The following UBR3 variants were observed in gnomAD, a reference collection of about 807,000 sequenced individuals.
The protein encoded by UBR3 is E3 ubiquitin-protein ligase UBR3.
In UBR3, 85 loss-of-function variants were observed where a neutral mutation model predicts 243.2. That is an observed-to-expected ratio of 0.35 (90% confidence interval 0.29 to 0.42). The LOEUF (loss-of-function observed/expected upper bound fraction) is 0.42. Ranked by LOEUF, UBR3 falls within the 10% of genes least tolerant of loss-of-function variation. The pLI is 1.00. For missense variants in UBR3, 1,686 were observed against 2,300.8 expected (o/e 0.73, Z 5.47); for synonymous variants, 748 against 799.8 (o/e 0.94, Z 1.09).
At chr2:169,884,572 T>C (rs900467868) in intron 5 of UBR3, among the ~76,000 whole-genome samples, 2 of 152,250 alleles carry the variant, frequency 1.3e-5, no homozygotes, top group Non-Finnish European at 2.9e-5. Flanking sequence ...GAAACTACTG[T>C]GACTCTTCCG....
intron 29 of UBR3, chr2:170,014,046 C>T (rs1400485904): frequency 1.7e-5 from 7 of 402,642 alleles, no homozygotes; most frequent in Non-Finnish European, 3.7e-5. Context: ...CACAGATGCC[C>T]TTATCAGCAG....
chr2:169,950,254 A>T lies in UBR3; in HGVS notation c.3545+189A>T, dbSNP rs114289347. Among the ~76,000 whole-genome samples, 437 of 152,232 alleles carry T rather than the reference A, an allele frequency of 2.9e-3. 1 individual carries two copies. The highest frequency in any genetic ancestry group is 1.0e-2 in the African/African-American group (414 of 41,566). On this transcript the variant is annotated intron_variant, in intron 23 of 38. Coordinates refer to ENST00000272793, the MANE Select transcript of UBR3 (RefSeq NM_172070.4). ...TGATGTATTGAGTTTATTGATGGAC[A>T]GGTGAGACTTTCTGACCCCAATGTA...
intron 24 of UBR3, among the ~76,000 whole-genome samples, chr2:169,961,873 T>TG (rs1334914261): frequency 2.8e-5 from 3 of 108,622 alleles, no homozygotes; most frequent in Non-Finnish European, 6.7e-5. Flanking sequence ...TTTTTTCCCA[T>TG]GTTTTTTTTT....
intron 1 of UBR3, among the ~76,000 whole-genome samples, chr2:169,845,615 G>T (rs1489746953): frequency 6.9e-6 from 1 of 144,580 alleles, no homozygotes; most frequent in Non-Finnish European, 1.5e-5. Flanking sequence ...ATGGGGTCTC[G>T]CTCTGTCACC....
intron 8 of UBR3, 67 bp downstream of exon 8, chr2:169,896,802 C>A: frequency 9.5e-7 from 1 of 1,057,298 alleles, no homozygotes; most frequent in Non-Finnish European, 1.3e-6. Context: ...TATTAGTGTA[C>A]TTCATATACT....
intron 1 of UBR3, among the ~76,000 whole-genome samples, chr2:169,838,577 C>T (rs780370238): frequency 3.0e-4 from 46 of 152,038 alleles, no homozygotes; most frequent in Admixed American, 2.8e-3. Context: ...CAAAGGCTTC[C>T]GCCTCTTAAT....
intron 35 of UBR3, among the ~76,000 whole-genome samples, chr2:170,068,655 G>C (rs2091632182): frequency 1.3e-5 from 2 of 152,032 alleles, no homozygotes; most frequent in Admixed American, 1.3e-4. Flanking sequence ...TAGAGAAAAT[G>C]AATGAGTCCA....
intron 24 of UBR3, among the ~76,000 whole-genome samples, chr2:169,976,632 C>G (rs2088460217): frequency 6.6e-6 from 1 of 152,150 alleles, no homozygotes; most frequent in Admixed American, 6.5e-5. Context: ...TGTTCTTAGT[C>G]TAATGGGGAT....
chr2:169,936,653 T>A (rs1354732806), intron 19 of UBR3, among the ~76,000 whole-genome samples: 1 of 152,098 alleles, frequency 6.6e-6, no homozygotes, highest in Non-Finnish European at 1.5e-5. Context: ...GTATATCTCC[T>A]AATGCTATCC....
intron 33 of UBR3, among the ~76,000 whole-genome samples, chr2:170,059,619 A>G (rs2091416587): frequency 6.6e-6 from 1 of 152,196 alleles, no homozygotes; most frequent in Non-Finnish European, 1.5e-5. Flanking sequence ...TCTATAGGTT[A>G]TTAATATTTA....
chr2:169,870,034 G>C (rs1400039875), intron 1 of UBR3, among the ~76,000 whole-genome samples: 1 of 151,840 alleles, frequency 6.6e-6, no homozygotes, highest in Admixed American at 6.6e-5. Context: ...TCTTAACTTA[G>C]GCTTTCTATA....
chr2:170,066,516 C>CT (rs1467345307), intron 35 of UBR3, among the ~76,000 whole-genome samples: 5 of 151,896 alleles, frequency 3.3e-5, no homozygotes, highest in Admixed American at 3.3e-4. Flanking sequence ...TATCTAGCCC[C>CT]CCCACCTCCA....
intron 1 of UBR3, among the ~76,000 whole-genome samples, chr2:169,847,268 A>G (rs2082515270): frequency 6.6e-6 from 1 of 152,052 alleles, no homozygotes; most frequent in South Asian, 2.1e-4. Context: ...TGTTTATCCC[A>G]TCTGTTCTTT....
intron 30 of UBR3, among the ~76,000 whole-genome samples, chr2:170,026,897 A>G (rs1043158742): frequency 3.9e-5 from 6 of 152,150 alleles, no homozygotes; most frequent in African/African-American, 7.2e-5. Flanking sequence ...TATAAGACGT[A>G]TTTTTGCTGC....
At chr2:170,041,435 C>G (rs778836596) in intron 32 of UBR3, among the ~76,000 whole-genome samples, 12 of 152,078 alleles carry the variant, frequency 7.9e-5, no homozygotes, top group Non-Finnish European at 1.5e-4. Context: ...ATAGAGCAAA[C>G]TCTCAGCCTT....
At chr2:169,846,215 C>G (rs2082473490) in intron 1 of UBR3, among the ~76,000 whole-genome samples, 1 of 152,082 alleles carries the variant, frequency 6.6e-6, no homozygotes, top group Non-Finnish European at 1.5e-5. Flanking sequence ...TCAATTTTTG[C>G]TGCTTGTATT....
At chr2:169,972,285 C>A (rs1333141029) in intron 24 of UBR3, among the ~76,000 whole-genome samples, 2 of 151,996 alleles carry the variant, frequency 1.3e-5, no homozygotes, top group Non-Finnish European at 2.9e-5. Flanking sequence ...GTTTACCAAC[C>A]AAAAAGAGTC....
intron 5 of UBR3, among the ~76,000 whole-genome samples, chr2:169,886,344 G>T (rs1041279830): frequency 1.3e-5 from 2 of 152,120 alleles, no homozygotes; most frequent in African/African-American, 4.8e-5. Flanking sequence ...ATTCCTGACA[G>T]TTGGTAAGCC....
intron 20 of UBR3, among the ~76,000 whole-genome samples, chr2:169,944,854 G>T (rs1053948923): frequency 2.0e-5 from 3 of 152,106 alleles, no homozygotes; most frequent in Non-Finnish European, 4.4e-5. Context: ...AGTGGCCTGG[G>T]GGTCTGAGGT....
Sources: gnomAD v4.1 joint callset for allele counts (sites outside exome capture counted in the v4.1 genomes callset) on GRCh38, gnomAD v4.1.1 for gene constraint, MANE v1.5 for transcripts, NCBI Gene and HGNC (gene_info 2026-07-23, HGNC 2026-07-21) for gene names.